SH3BGRL2: variants seen among roughly 807,000 people sequenced by gnomAD.
SH3BGRL2 encodes SH3 domain-binding glutamic acid-rich-like protein 2.
In SH3BGRL2, 21 loss-of-function variants were observed where a neutral mutation model predicts 14.8. The ratio of observed to expected loss-of-function variants is 1.42; its 90% CI spans 1.01 to 2.05. SH3BGRL2 has a LOEUF of 2.05. Ranked by LOEUF, SH3BGRL2 falls within the 30% of genes most tolerant of loss-of-function variation. The pLI is 0.00. For missense variants in SH3BGRL2, 147 were observed against 130.8 expected (o/e 1.12, Z -0.61); for synonymous variants, 50 against 47.8 (o/e 1.05, Z -0.19).
chr6:79,571,247 G>A, the SH3BGRL2 span, among the ~76,000 whole-genome samples: 3 of 152,124 alleles, frequency 2.0e-5, no homozygotes, highest in South Asian at 2.1e-4. Context: ...CTGAATGAAC[G>A]TCTCTCCTTT....
chr6:79,545,909 A>G, the SH3BGRL2 span, among the ~76,000 whole-genome samples: 2 of 152,190 alleles, frequency 1.3e-5, no homozygotes, highest in Non-Finnish European at 2.9e-5. Context: ...TTGGTAAGCA[A>G]TAGCTTCTAG....
the SH3BGRL2 span, among the ~76,000 whole-genome samples, chr6:79,602,722 A>C: frequency 6.6e-6 from 1 of 152,352 alleles, no homozygotes; most frequent in South Asian, 2.1e-4. Context: ...ACGTTAAGAA[A>C]AATGGTCTAA....
intron 1 of SH3BGRL2, among the ~76,000 whole-genome samples, chr6:79,669,523 C>G (rs886169223): frequency 1.4e-5 from 2 of 142,224 alleles, no homozygotes; most frequent in African/African-American, 5.2e-5. Context: ...GGCCTGATCT[C>G]TGCTTACTGC....
At chr6:79,590,178 A>C in the SH3BGRL2 span, among the ~76,000 whole-genome samples, 1 of 152,162 alleles carries the variant, frequency 6.6e-6, no homozygotes, top group Non-Finnish European at 1.5e-5. Context: ...TGTGGAGAAA[A>C]GGGATGTTTA....
At chr6:79,664,173 C>T (rs889491432) in intron 1 of SH3BGRL2, among the ~76,000 whole-genome samples, 2 of 152,194 alleles carry the variant, frequency 1.3e-5, no homozygotes, top group South Asian at 2.1e-4. Flanking sequence ...TGGGCTGCAC[C>T]CACTGTCCAA....
chr6:79,547,206 A>G, the SH3BGRL2 span, among the ~76,000 whole-genome samples: 5 of 152,142 alleles, frequency 3.3e-5, no homozygotes, highest in Middle Eastern at 3.4e-3. Flanking sequence ...CTGGTTCTCT[A>G]TGACCTTAAA....
chr6:79,547,495 T>C, the SH3BGRL2 span, among the ~76,000 whole-genome samples: 1 of 152,112 alleles, frequency 6.6e-6, no homozygotes, highest in African/African-American at 2.4e-5. Context: ...CTGAACATGC[T>C]GAACTGGAGT....
chr6:79,650,757 A>G (rs1368579307), intron 1 of SH3BGRL2, among the ~76,000 whole-genome samples: 1 of 152,114 alleles, frequency 6.6e-6, no homozygotes, highest in Non-Finnish European at 1.5e-5. Context: ...CAACATTGAC[A>G]ATCAAATTTC....
At chr6:79,574,756 A>G in the SH3BGRL2 span, 1 of 152,226 alleles carries the variant, frequency 6.6e-6, no homozygotes, top group Non-Finnish European at 1.5e-5. Flanking sequence ...TGTTGGTGGT[A>G]TATCTTATGA....
At chr6:79,560,359 A>G in the SH3BGRL2 span, among the ~76,000 whole-genome samples, 1 of 152,212 alleles carries the variant, frequency 6.6e-6, no homozygotes, top group Non-Finnish European at 1.5e-5. Context: ...TATTGAACAT[A>G]TAGTAGCATC....
chr6:79,656,772 T>C (rs929098972), intron 1 of SH3BGRL2, among the ~76,000 whole-genome samples: 3 of 152,170 alleles, frequency 2.0e-5, no homozygotes, highest in African/African-American at 7.2e-5. Flanking sequence ...CCATTTTACA[T>C]CAAGGATTTG....
At chr6:79,639,618 C>A (rs1768992516) in intron 1 of SH3BGRL2, among the ~76,000 whole-genome samples, 1 of 152,022 alleles carries the variant, frequency 6.6e-6, no homozygotes, top group Non-Finnish European at 1.5e-5. Context: ...ACCATCACCA[C>A]CAACAACAAA....
At chr6:79,559,719 C>T in the SH3BGRL2 span, among the ~76,000 whole-genome samples, 7 of 152,068 alleles carry the variant, frequency 4.6e-5, no homozygotes, top group African/African-American at 9.7e-5. Context: ...GCTCTAGTTA[C>T]GTAAGAGAAC....
intron 1 of SH3BGRL2, among the ~76,000 whole-genome samples, chr6:79,660,693 G>A (rs1161102387): frequency 6.6e-6 from 1 of 152,134 alleles, no homozygotes; most frequent in African/African-American, 2.4e-5. Context: ...TGTATTGATT[G>A]GAATAGTTTC....
chr6:79,632,622 A>G (rs1486379694), intron 1 of SH3BGRL2, among the ~76,000 whole-genome samples: 2 of 152,228 alleles, frequency 1.3e-5, no homozygotes, highest in East Asian at 1.9e-4. Context: ...TTTTATTTAA[A>G]AAGAAACCAA....
the SH3BGRL2 span, among the ~76,000 whole-genome samples, chr6:79,600,442 G>T: frequency 6.3e-3 from 960 of 152,312 alleles, 14 homozygotes; most frequent in African/African-American, 0.022. Context: ...GGGCTTGGCA[G>T]TTGAGTGTTT....
In SH3BGRL2 at chr6:79,701,260, T is replaced by C. The variant is rs1272519585; in HGVS notation, c.*1751T>C. On this transcript the variant is annotated 3_prime_UTR_variant, in exon 4 of 4. Coordinates refer to ENST00000369838, the MANE Select transcript of SH3BGRL2 (RefSeq NM_031469.4). Reference sequence around the variant, plus strand: ...TCCCAGGGACTATCCAGGAATTTTTTTTTAACTGGATATTGTGTTTGAGTA... The same window carrying C: ...TCCCAGGGACTATCCAGGAATTTTTCTTTAACTGGATATTGTGTTTGAGTA... The C allele has an allele frequency of 2.6e-5, 4 of 152,188 alleles. No homozygotes were observed. The highest frequency in any genetic ancestry group is 9.7e-5 in the African/African-American group (4 of 41,444). 9.4% of individuals were successfully genotyped at this position (152,188 alleles called of 1,614,324 possible). A position where few individuals can be genotyped will look rare whatever the true frequency, so the allele number is the denominator to read the frequency against.
the SH3BGRL2 span, among the ~76,000 whole-genome samples, chr6:79,600,697 T>A: frequency 2.0e-5 from 3 of 152,118 alleles, no homozygotes; most frequent in Non-Finnish European, 4.4e-5. Flanking sequence ...AAAACCAAAC[T>A]GATTCCTCTC....
At chr6:79,582,510 A>G in the SH3BGRL2 span, among the ~76,000 whole-genome samples, 28 of 152,334 alleles carry the variant, frequency 1.8e-4, no homozygotes, top group African/African-American at 5.8e-4. Flanking sequence ...ATCTTTGACA[A>G]ACCTGACAAA....
Sources: gnomAD v4.1 joint callset for allele counts (sites outside exome capture counted in the v4.1 genomes callset) on GRCh38, gnomAD v4.1.1 for gene constraint, MANE v1.5 for transcripts, NCBI Gene and HGNC (gene_info 2026-07-23, HGNC 2026-07-21) for gene names.